Variants in RASSF3 observed in about 807,000 individuals in gnomAD.
RASSF3 encodes Ras association domain family member 3, also known as ras association domain-containing protein 3.
A neutral mutation model predicts 19.9 loss-of-function variants in RASSF3; 19 were observed. The ratio of observed to expected loss-of-function variants is 0.96; its 90% CI spans 0.67 to 1.40. The LOEUF (loss-of-function observed/expected upper bound fraction) is 1.40. Among genes scored for constraint, RASSF3 ranks in the 40% most tolerant of loss-of-function variants. RASSF3 has a pLI of 0.00. For synonymous variants in RASSF3, 110 were observed against 104.2 expected (o/e 1.06, Z -0.34); for missense variants, 306 against 289.8 (o/e 1.06, Z -0.41).
At chr12:64,588,162 C>T (rs1869848359) in intron 2 of RASSF3, among the ~76,000 whole-genome samples, 1 of 152,100 alleles carries the variant, frequency 6.6e-6, no homozygotes, top group Non-Finnish European at 1.5e-5. Context: ...TTGCAATCTC[C>T]ACCTACTTGG....
At chr12:64,647,628 G>T (rs549679135) in intron 1 of RASSF3, among the ~76,000 whole-genome samples, 60 of 152,092 alleles carry the variant, frequency 3.9e-4, no homozygotes, top group African/African-American at 1.4e-3. Context: ...GGCCAGGCTG[G>T]TCTCGAATTC....
intron 1 of RASSF3, among the ~76,000 whole-genome samples, chr12:64,684,183 T>C (rs376635959): frequency 4.2e-4 from 63 of 151,016 alleles, no homozygotes; most frequent in African/African-American, 1.5e-3. Context: ...ACCTCTGGGC[T>C]GAGGTGATGC....
chr12:64,538,082 A>G (rs889259465), intron 1 of RASSF3, among the ~76,000 whole-genome samples: 7 of 151,578 alleles, frequency 4.6e-5, no homozygotes, highest in Admixed American at 4.6e-4. Flanking sequence ...TCAATCTCCC[A>G]GGCTCAAGCA....
At chr12:64,631,840 G>T (rs1871180014) in intron 1 of RASSF3, among the ~76,000 whole-genome samples, 1 of 152,110 alleles carries the variant, frequency 6.6e-6, no homozygotes, top group South Asian at 2.1e-4. Flanking sequence ...CTCCCAAAGT[G>T]CTGGGATTAC....
At chr12:64,657,139 G>A (rs1008347001) in intron 1 of RASSF3, among the ~76,000 whole-genome samples, 7 of 150,878 alleles carry the variant, frequency 4.6e-5, no homozygotes, top group African/African-American at 1.2e-4. Flanking sequence ...AACCTCCCTT[G>A]TAGCTGGGAC....
intron 2 of RASSF3, among the ~76,000 whole-genome samples, chr12:64,604,720 C>T (rs1205833537): frequency 2.0e-5 from 3 of 151,742 alleles, no homozygotes; most frequent in Non-Finnish European, 2.9e-5. Context: ...TCACTGCAAG[C>T]TCCGCCTCCC....
intron 2 of RASSF3, among the ~76,000 whole-genome samples, chr12:64,602,693 C>A (rs1386344895): frequency 6.6e-6 from 1 of 151,994 alleles, no homozygotes; most frequent in Non-Finnish European, 1.5e-5. Context: ...CGAGGCCAGC[C>A]TGGGCAACAT....
At chr12:64,528,109 A>C (rs1261177731) in intron 1 of RASSF3, among the ~76,000 whole-genome samples, 1 of 151,814 alleles carries the variant, frequency 6.6e-6, no homozygotes, top group East Asian at 1.9e-4. Flanking sequence ...CACACACACA[A>C]AATGTTAAAA....
intron 1 of RASSF3, among the ~76,000 whole-genome samples, chr12:64,664,704 T>A (rs1446549122): frequency 1.3e-5 from 2 of 152,138 alleles, no homozygotes; most frequent in Non-Finnish European, 2.9e-5. Flanking sequence ...TAAATTCAAA[T>A]GTATAAGACC....
chr12:64,659,866 C>T (rs1310918515), intron 1 of RASSF3, among the ~76,000 whole-genome samples: 7 of 151,806 alleles, frequency 4.6e-5, no homozygotes, highest in South Asian at 2.1e-4. Context: ...GAGAATCACT[C>T]GAACCTGGGA....
At position 64,567,607 on chromosome 12, in the gene RASSF3, C is replaced by T. The variant is rs569196054; in HGVS notation, c.294+25902C>T. ...GTGGAAGGAGCCTGGCCCTGAGTGA[C>T]GGCTCAGCCACAGTGGGCTACAGCA... On this transcript the variant is annotated intron_variant, in intron 2 of 5. Transcript: ENST00000637125. Among the ~76,000 whole-genome samples the T allele has an allele frequency of 1.5e-4, 23 of 152,304 alleles. No individual in the cohort carries two copies. The South Asian group carries it at 3.7e-3, about 25-fold the overall frequency.
chr12:64,692,030 T>C (rs1868294443), intron 4 of RASSF3, among the ~76,000 whole-genome samples: 2 of 152,192 alleles, frequency 1.3e-5, no homozygotes, highest in Admixed American at 1.3e-4. Flanking sequence ...GGAAGGCATT[T>C]AGCTTTCTAG....
chr12:64,560,590 T>A (rs1445024148), intron 2 of RASSF3, among the ~76,000 whole-genome samples: 3 of 152,194 alleles, frequency 2.0e-5, no homozygotes, highest in Non-Finnish European at 2.9e-5. Context: ...CGAGGAACTA[T>A]CCACGCCCCG....
At chr12:64,634,967 C>CTTTTTTTTTTTTTTTTTTTTT in intron 1 of RASSF3, among the ~76,000 whole-genome samples, 1 of 128,130 alleles carries the variant, frequency 7.8e-6, no homozygotes, top group Non-Finnish European at 1.7e-5. Flanking sequence ...CTTTTCTTTT[C>CTTTTTTTTTTTTTTTTTTTTT]TTTTTTTTTT....
chr12:64,607,422 T>G (rs1032055034), upstream of RASSF3, among the ~76,000 whole-genome samples: 4 of 152,252 alleles, frequency 2.6e-5, no homozygotes, highest in Non-Finnish European at 5.9e-5. Flanking sequence ...CAGGATAGAG[T>G]GCAGTGGCGT....
chr12:64,675,992 C>T (rs1872884879), intron 1 of RASSF3, among the ~76,000 whole-genome samples: 1 of 151,660 alleles, frequency 6.6e-6, no homozygotes, highest in African/African-American at 2.4e-5. Flanking sequence ...ATCAGCATGC[C>T]AGGGCCATAC....
intron 1 of RASSF3, among the ~76,000 whole-genome samples, chr12:64,679,853 G>GCT (rs530675607): frequency 2.7e-4 from 41 of 152,158 alleles, no homozygotes; most frequent in Non-Finnish European, 4.1e-4. Flanking sequence ...CCAAGCAGAC[G>GCT]CTCTCAGGCG....
intron 1 of RASSF3, among the ~76,000 whole-genome samples, chr12:64,655,559 TGCCTCG>T (rs567558399): frequency 1.3e-3 from 201 of 152,178 alleles, no homozygotes; most frequent in African/African-American, 4.7e-3. Context: ...GTGATCCTCC[TGCCTCG>T]GCCTCCCAAA....
Position 64,696,669 on chromosome 12 carries a change from T to A in RASSF3, c.*1757T>A, listed in dbSNP as rs1188432816. On this transcript the variant is annotated 3_prime_UTR_variant, in exon 5 of 5. Coordinates refer to ENST00000542104, the MANE Select transcript of RASSF3 (RefSeq NM_178169.4). Reference sequence around the variant, plus strand: ...ACTTTTTGGAGAATACCCATCTTGTTGGAGGCAGACTTAAGTTGTTATGCT... The same window carrying A: ...ACTTTTTGGAGAATACCCATCTTGTAGGAGGCAGACTTAAGTTGTTATGCT... The A allele has an allele frequency of 6.6e-6, 1 of 152,232 alleles. No homozygotes were observed. Among genetic ancestry groups the A allele is most frequent in the Non-Finnish European group, 1.5e-5 (1 of 68,038 alleles). The allele number at this position is 152,232 out of a possible 1,614,324, so 9.4% of individuals were successfully genotyped here. A position where few individuals can be genotyped will look rare whatever the true frequency, so the allele number is the denominator to read the frequency against.
Sources: gnomAD v4.1 joint callset for allele counts (sites outside exome capture counted in the v4.1 genomes callset) on GRCh38, gnomAD v4.1.1 for gene constraint, MANE v1.5 for transcripts, NCBI Gene and HGNC (gene_info 2026-07-23, HGNC 2026-07-21) for gene names.